The following RARB variants were observed in gnomAD, a reference collection of about 807,000 sequenced individuals.
RARB encodes the protein HBV-activated protein.
A neutral mutation model predicts 51.9 loss-of-function variants in RARB; 17 were observed. The observed-to-expected ratio is 0.33, with a 90% CI of 0.22 to 0.49. The LOEUF is 0.49. Among genes scored for constraint, RARB ranks in the 20% least tolerant of loss-of-function variants. The pLI, the probability that RARB is intolerant of heterozygous loss-of-function variation, is 0.99. For synonymous variants in RARB, 215 were observed against 195.4 expected (o/e 1.10, Z -0.84); for missense variants, 369 against 550.8 (o/e 0.67, Z 3.30).
chr3:25,314,563 A>G (rs1011136175), intron 5 of RARB, among the ~76,000 whole-genome samples: 4 of 152,210 alleles, frequency 2.6e-5, no homozygotes, highest in African/African-American at 7.2e-5. Context: ...AAATGGCACA[A>G]TGGATGTGTG....
intron 3 of RARB, among the ~76,000 whole-genome samples, chr3:25,565,441 C>G (rs1700454171): frequency 6.6e-6 from 1 of 151,842 alleles, no homozygotes; most frequent in Non-Finnish European, 1.5e-5. Flanking sequence ...TGCCAATATT[C>G]TATTATTATT....
Position 25,428,398 on chromosome 3 carries a change from G to C in RARB, c.-334G>C, listed in dbSNP as rs1708065077. On this transcript the variant is annotated 5_prime_UTR_variant, in exon 1 of 8. Transcript: ENST00000330688. ...AACGCGAGCGATCCGAGCAGGGTTTGTCTGGGCACCGTCGGGGTAGGATCC... is the reference window on the plus strand; with the variant it reads ...AACGCGAGCGATCCGAGCAGGGTTTCTCTGGGCACCGTCGGGGTAGGATCC... 3 of 1,267,502 alleles carry C rather than the reference G, an allele frequency of 2.4e-6. No individual in the cohort carries two copies. In the East Asian group the frequency reaches 8.9e-5, roughly 38 times the overall value. The allele number at this position is 1,267,502 out of a possible 1,614,324, so 78.5% of individuals were successfully genotyped here.
chr3:25,341,744 A>G (rs1177220432), intron 5 of RARB, among the ~76,000 whole-genome samples: 1 of 152,172 alleles, frequency 6.6e-6, no homozygotes. Flanking sequence ...AAGGGATGCC[A>G]CTAAACCTCC....
intron 3 of RARB, among the ~76,000 whole-genome samples, chr3:25,079,353 G>A (rs1000772611): frequency 1.3e-5 from 2 of 152,094 alleles, no homozygotes; most frequent in African/African-American, 4.8e-5. Flanking sequence ...CAAACTGAAT[G>A]CTAATTCTTT....
chr3:24,974,864 G>A (rs1393692341), intron 2 of RARB, among the ~76,000 whole-genome samples: 1 of 152,114 alleles, frequency 6.6e-6, no homozygotes, highest in Non-Finnish European at 1.5e-5. Context: ...AGCTTCATTT[G>A]CTCTCTAGTC....
chr3:25,151,696 A>G (rs1700289533), intron 4 of RARB, among the ~76,000 whole-genome samples: 1 of 152,186 alleles, frequency 6.6e-6, no homozygotes, highest in Admixed American at 6.5e-5. Flanking sequence ...TTGTACCTTT[A>G]TTGCCATATA....
At chr3:25,257,088 A>T (rs1360053793) in intron 5 of RARB, among the ~76,000 whole-genome samples, 2 of 152,184 alleles carry the variant, frequency 1.3e-5, no homozygotes, top group Non-Finnish European at 1.5e-5. Flanking sequence ...TTTAAAGAAC[A>T]TCTGCCCCTG....
At chr3:25,238,182 T>G (rs886555603) in intron 5 of RARB, among the ~76,000 whole-genome samples, 1 of 151,594 alleles carries the variant, frequency 6.6e-6, no homozygotes, top group Admixed American at 6.6e-5. Flanking sequence ...GTCTCTGGTA[T>G]CTAGGATTCT....
chr3:25,137,609 CTT>C (rs1335068994), intron 4 of RARB, among the ~76,000 whole-genome samples: 3 of 152,066 alleles, frequency 2.0e-5, no homozygotes, highest in African/African-American at 7.2e-5. Context: ...TATAATCACT[CTT>C]ATTGAATTTA....
rs118122261 is a variant in RARB, at chr3:25,208,656, C to T, written c.178+34081C>T. Among the ~76,000 whole-genome samples, 957 of 152,168 alleles carry T rather than the reference C, an allele frequency of 6.3e-3. 18 individuals carry two copies. The highest frequency in any genetic ancestry group is 0.03 in the East Asian group (156 of 5,178). ...ACATCTCACTGCACCATACATTTGGCCCAGCCCTCTGACCTGACAATGCTG... is the reference window on the plus strand; with the variant it reads ...ACATCTCACTGCACCATACATTTGGTCCAGCCCTCTGACCTGACAATGCTG... On this transcript the variant is annotated intron_variant, in intron 5 of 11. Transcript: ENST00000383772.
chr3:24,918,005 T>C (rs1695141369), intron 2 of RARB, among the ~76,000 whole-genome samples: 1 of 152,240 alleles, frequency 6.6e-6, no homozygotes, highest in Admixed American at 6.5e-5. Flanking sequence ...TTTTCTGAAA[T>C]GTTAAATATA....
chr3:25,211,943 C>G (rs968488048), intron 5 of RARB, among the ~76,000 whole-genome samples: 5 of 152,120 alleles, frequency 3.3e-5, no homozygotes, highest in Admixed American at 3.3e-4. Context: ...TTTATTTCCC[C>G]ACTTAAAATA....
At chr3:25,178,870 T>C (rs1700808200) in intron 5 of RARB, among the ~76,000 whole-genome samples, 1 of 152,200 alleles carries the variant, frequency 6.6e-6, no homozygotes, top group South Asian at 2.1e-4. Flanking sequence ...CAGCTGTCTG[T>C]CTGTCTCTCT....
intron 3 of RARB, among the ~76,000 whole-genome samples, chr3:25,127,731 G>C (rs559624121): frequency 6.6e-6 from 1 of 152,164 alleles, no homozygotes; most frequent in South Asian, 2.1e-4. Flanking sequence ...ATCAAAATGT[G>C]CCCCGTGTTT....
intron 5 of RARB, among the ~76,000 whole-genome samples, chr3:25,331,135 G>A (rs2125445043): frequency 6.6e-6 from 1 of 152,218 alleles, no homozygotes; most frequent in South Asian, 2.1e-4. Context: ...AAGTTAACAA[G>A]GATATCCAGG....
At chr3:25,468,184 A>T (rs1307828888) in intron 2 of RARB, among the ~76,000 whole-genome samples, 2 of 152,150 alleles carry the variant, frequency 1.3e-5, no homozygotes, top group Non-Finnish European at 2.9e-5. Context: ...AAGCAAATCC[A>T]CAAGTTTGAA....
At position 25,428,658 on chromosome 3, in the gene RARB, T is replaced by C. The variant is rs1708077786; in HGVS notation, c.-74T>C. 6.6e-7 allele frequency: 1 copy of C among 1,511,564 alleles called. No homozygotes were observed. The highest frequency in any genetic ancestry group is 8.9e-7 in the Non-Finnish European group (1 of 1,117,858). 93.6% of individuals were successfully genotyped at this position (1,511,564 alleles called of 1,614,324 possible). A position where few individuals can be genotyped will look rare whatever the true frequency, so the allele number is the denominator to read the frequency against. On this transcript the variant is annotated 5_prime_UTR_variant, in exon 1 of 8. Transcript: ENST00000330688. Reference sequence around the variant, plus strand: ...AGGGGCAGAGTTTGATGGAGTTGGGTGGACTTTTCTATGCCATTTGCCTCC... The same window carrying C: ...AGGGGCAGAGTTTGATGGAGTTGGGCGGACTTTTCTATGCCATTTGCCTCC...
At chr3:25,337,545 C>G (rs1705099297) in intron 5 of RARB, among the ~76,000 whole-genome samples, 1 of 152,148 alleles carries the variant, frequency 6.6e-6, no homozygotes, top group Non-Finnish European at 1.5e-5. Context: ...GCATCGACAT[C>G]ATTCCCATCT....
chr3:24,905,551 TAG>T (rs1273766283), intron 2 of RARB, among the ~76,000 whole-genome samples: 8 of 152,118 alleles, frequency 5.3e-5, no homozygotes, highest in Non-Finnish European at 7.4e-5. Flanking sequence ...GATTACTAGG[TAG>T]AGTTTTTGGA....
Sources: gnomAD v4.1 joint callset for allele counts (sites outside exome capture counted in the v4.1 genomes callset) on GRCh38, gnomAD v4.1.1 for gene constraint, MANE v1.5 for transcripts, NCBI Gene and HGNC (gene_info 2026-07-23, HGNC 2026-07-21) for gene names.